SETD4: variants seen among roughly 807,000 people sequenced by gnomAD.
SETD4 encodes SET domain containing 4.
A neutral mutation model predicts 58.3 loss-of-function variants in SETD4; 46 were observed. The ratio of observed to expected loss-of-function variants is 0.79; its 90% confidence interval spans 0.62 to 1.01. The LOEUF (loss-of-function observed/expected upper bound fraction) is 1.01. SETD4 is among the 50% of genes least tolerant of loss of function. The pLI is 0.00. For missense variants in SETD4, 490 were observed against 523.3 expected (o/e 0.94, Z 0.62); for synonymous variants, 190 against 202.6 (o/e 0.94, Z 0.53).
At chr21:36,038,088 A>G in intron 10 of SETD4, 62 bp downstream of exon 10, 1 of 1,558,882 alleles carries the variant, frequency 6.4e-7, no homozygotes, top group Non-Finnish European at 8.7e-7. Context: ...AATAACATGT[A>G]CAAAACAAGG....
At position 36,052,489 on chromosome 21, in the gene SETD4, C is replaced by T. The variant is rs748848309; in HGVS notation, c.207+1094G>A. ...AAAAGAATTGCTTGAACCCAGGAGA[C>T]GGAGGTTGCAAGGAGCCGAGATCGC... On this transcript the variant is annotated intron_variant, in intron 4 of 11. Coordinates refer to ENST00000332131, the MANE Select transcript of SETD4 (RefSeq NM_017438.5). Among the ~76,000 whole-genome samples, 100 of 144,912 alleles carry T rather than the reference C, an allele frequency of 6.9e-4. 1 individual carries two copies. The highest frequency in any genetic ancestry group is 1.0e-4 in the African/African-American group (4 of 38,998).
chr21:36,045,891 G>A lies in SETD4; in HGVS notation c.417C>T (p.Cys139=), dbSNP rs141612560. 1 of 1,614,076 alleles carries A rather than the reference G, an allele frequency of 6.2e-7. No individual in the cohort carries two copies. Among genetic ancestry groups the A allele is most frequent in the African/African-American group, 1.3e-5 (1 of 74,924 alleles). The change falls in exon 6 of 12, where the codon TGC becomes TGT. Residue 139 remains cysteine, a synonymous_variant. Coordinates refer to ENST00000332131, the MANE Select transcript of SETD4 (RefSeq NM_017438.5). ...CCACTTCCGGCTCCAAACAAACAGG[G>A]CAGGTATACGCCTTGGGTAAAATCT... is the stretch of plus-strand genomic sequence containing the variant. The part of the protein sequence containing the change: ...YLEILPKAYT[C]PVCLEPEVVN...
chr21:36,054,291 T>C (rs2064868438), intron 3 of SETD4, among the ~76,000 whole-genome samples: 1 of 152,206 alleles, frequency 6.6e-6, no homozygotes, highest in Non-Finnish European at 1.5e-5. Flanking sequence ...TAAAAATTAA[T>C]ACCAACTTCC....
intron 8 of SETD4, among the ~76,000 whole-genome samples, chr21:36,041,287 A>G (rs1168100134): frequency 2.0e-5 from 3 of 151,320 alleles, no homozygotes; most frequent in Non-Finnish European, 2.9e-5. Flanking sequence ...TGGGCATCCC[A>G]CTGATGGCAG....
Position 36,038,279 on chromosome 21 carries a change from AC to A in SETD4, c.1065-7del. 1 of 1,606,576 alleles carries A rather than the reference AC, an allele frequency of 6.2e-7. No individual in the cohort carries two copies. The highest frequency in any genetic ancestry group is 2.2e-5 in the East Asian group (1 of 44,850). ...GTACTTTTTTCCAGCATGTACTAGA[AC>A]CAAAATGTTCCATGACACAATTTTA... is the stretch of plus-strand genomic sequence containing the variant. On this transcript the variant is annotated splice_region_variant and splice_polypyrimidine_tract_variant and intron_variant, in intron 9 of 11. Transcript: ENST00000332131.
Position 36,058,861 on chromosome 21 carries a change from G to T in SETD4, c.28C>A (p.Arg10=), listed in dbSNP as rs567680637. Residue 10 remains arginine (R), a synonymous_variant, in exon 2 of 12, where the codon CGG becomes AGG. Transcript: ENST00000332131. ...CCGCAGAGTTTTCGTCTTCTGATCC[G>T]GCTTGTTCTCCCTTTTCCTTTCTGC... MQKGKGRTS[R]IRRRKLCGSS... 6.2e-7 allele frequency: 1 copy of T among 1,600,800 alleles called. No individual in the cohort carries two copies. Among genetic ancestry groups the T allele is most frequent in the South Asian group, 1.2e-5 (1 of 86,886 alleles).
chr21:36,040,620 C>T lies in SETD4; in HGVS notation c.1019G>A (p.Arg340Lys). The T allele has an allele frequency of 1.2e-6, 2 of 1,613,924 alleles. No homozygotes were observed. Among genetic ancestry groups the T allele is most frequent in the Non-Finnish European group, 1.7e-6 (2 of 1,179,890 alleles). The stretch of plus-strand genomic sequence containing the variant: ...TAACAACTTAAGGGCTGTGAGTAGC[C>T]TCCAAGATGGTCCATCCCATCCAAA... ...LTFGWDGPSW[R>K]LLTALKLLCL... is the part of the protein sequence containing the mutation. The change falls in exon 9 of 12, where the codon AGG becomes AAG. Residue 340 changes from arginine (R) to lysine (K), a missense_variant. Physicochemically the swap from Arg to Lys is conservative, Grantham distance 26. Transcript: ENST00000332131.
rs1487422994 is a variant in SETD4 at position 36,036,262 on chromosome 21, T to G, written c.1189-11A>C. 14 of 1,576,098 alleles carry G rather than the reference T, an allele frequency of 8.9e-6. No homozygotes were observed. Among genetic ancestry groups the G allele is most frequent in the Non-Finnish European group, 8.6e-6 (10 of 1,167,042 alleles). On this transcript the variant is annotated splice_polypyrimidine_tract_variant and intron_variant, in intron 10 of 11. Coordinates refer to ENST00000332131, the MANE Select transcript of SETD4 (RefSeq NM_017438.5). ...CTTCATATGAGACACCTGAAAGTTA[T>G]TTTTTAATTATTGTTATTGTAGTAA... is the stretch of plus-strand genomic sequence containing the variant.
chr21:36,055,700 G>A (rs753638616), intron 3 of SETD4, among the ~76,000 whole-genome samples: 2 of 152,166 alleles, frequency 1.3e-5, no homozygotes, highest in African/African-American at 2.4e-5. Context: ...CACTGGGCAC[G>A]GGTCACTGCC....
intron 4 of SETD4, among the ~76,000 whole-genome samples, chr21:36,049,835 A>T (rs1273617697): frequency 6.6e-6 from 1 of 152,260 alleles, no homozygotes; most frequent in Non-Finnish European, 1.5e-5. Context: ...ACTGCCAATT[A>T]TTTCATGACC....
intron 9 of SETD4, among the ~76,000 whole-genome samples, chr21:36,039,818 G>A (rs1319691165): frequency 1.3e-5 from 2 of 152,230 alleles, no homozygotes; most frequent in Admixed American, 1.3e-4. Flanking sequence ...AAAGAAGGAA[G>A]CAACATCATC....
At chr21:36,053,299 G>A in intron 4 of SETD4, 1 of 490,648 alleles carries the variant, frequency 2.0e-6, no homozygotes, top group Non-Finnish European at 3.6e-6. Context: ...TGGGGCCTCT[G>A]CCAGCCATGG....
chr21:36,046,660 CA>C (rs937550053), intron 5 of SETD4, among the ~76,000 whole-genome samples: 16 of 152,348 alleles, frequency 1.1e-4, no homozygotes, highest in Admixed American at 1.0e-3. Context: ...ACAGTTGTTG[CA>C]GTTCTAAAGC....
chr21:36,059,053 G>GT (rs1463919392), intron 1 of SETD4, 129 bp from the exon 2 acceptor site: 2 of 1,101,720 alleles, frequency 1.8e-6, no homozygotes, highest in East Asian at 5.7e-5. Context: ...GTATACAAAT[G>GT]TATGTTTTGG....
At position 36,036,081 on chromosome 21, in the gene SETD4, C is replaced by A. The variant is rs199927897; in HGVS notation, c.*32+4G>T. 1 of 1,613,890 alleles carries A rather than the reference C, an allele frequency of 6.2e-7. No individual in the cohort carries two copies. Among genetic ancestry groups the A allele is most frequent in the Admixed American group, 1.7e-5 (1 of 59,984 alleles). The stretch of plus-strand genomic sequence containing the variant: ...TTAGTCTAAAATGTGTGACTAACAC[C>A]CACCAGAGGAGGTGACCAAATGCGC... On this transcript the variant is annotated splice_donor_region_variant and intron_variant, in intron 11 of 11. Transcript: ENST00000332131.
rs1270118832 is a variant in SETD4 at position 36,050,151 on chromosome 21, T to C, written c.208-1755A>G. 10 of 884,478 alleles carry C rather than the reference T, an allele frequency of 1.1e-5. No homozygotes were observed. The East Asian group carries it at 1.7e-4, about 15-fold the overall frequency. The allele number at this position is 884,478 out of a possible 1,614,324, so 54.8% of individuals were successfully genotyped here. ...TCTATATCTGGCTGTTCATCTTCCA[T>C]AATCAACTGGTAGATGTTACATCCA... is the stretch of plus-strand genomic sequence containing the variant. On this transcript the variant is annotated intron_variant, in intron 4 of 11. Coordinates refer to ENST00000332131, the MANE Select transcript of SETD4 (RefSeq NM_017438.5).
intron 4 of SETD4, chr21:36,051,284 A>G (rs1230380244): frequency 2.5e-6 from 4 of 1,593,272 alleles, no homozygotes; most frequent in Non-Finnish European, 3.4e-6. Context: ...GTGACCCTGA[A>G]AGCATGGAGC....
chr21:36,054,105 A>G (rs1568935389), intron 3 of SETD4, among the ~76,000 whole-genome samples: 1 of 152,126 alleles, frequency 6.6e-6, no homozygotes, highest in African/African-American at 2.4e-5. Context: ...GCCTGCAGAC[A>G]TCCTCCCCTC....
At chr21:36,049,323 G>C (rs1021467412) in intron 4 of SETD4, among the ~76,000 whole-genome samples, 1 of 152,202 alleles carries the variant, frequency 6.6e-6, no homozygotes, top group African/African-American at 2.4e-5. Context: ...GGGAGGCTGA[G>C]GCAGGTGGAT....
Sources: gnomAD v4.1 joint callset for allele counts (sites outside exome capture counted in the v4.1 genomes callset) on GRCh38, gnomAD v4.1.1 for gene constraint, MANE v1.5 for transcripts, NCBI Gene and HGNC (gene_info 2026-07-23, HGNC 2026-07-21) for gene names.